APBA2: variants seen among roughly 807,000 people sequenced by gnomAD.
APBA2 encodes the protein amyloid-beta A4 precursor protein-binding family A member 2.
In APBA2, 30 loss-of-function variants were observed where a neutral mutation model predicts 75.0. That is an observed-to-expected ratio of 0.40 (90% CI 0.30 to 0.54). The LOEUF (loss-of-function observed/expected upper bound fraction) is 0.54. Ranked by LOEUF, APBA2 falls within the 20% of genes least tolerant of loss-of-function variation. The probability of loss-of-function intolerance (pLI) is 0.49; values close to 1 mark genes in which losing one functional copy is unlikely to be tolerated. For synonymous variants in APBA2, 444 were observed against 409.6 expected (o/e 1.08, Z -1.01); for missense variants, 801 against 1,016.1 (o/e 0.79, Z 2.88).
At chr15:28,949,723 C>G (rs2035749045) in intron 2 of APBA2, among the ~76,000 whole-genome samples, 1 of 152,206 alleles carries the variant, frequency 6.6e-6, no homozygotes, top group East Asian at 1.9e-4. Flanking sequence ...CATGCCTCCA[C>G]CTCCCAAAGT....
intron 6 of APBA2, among the ~76,000 whole-genome samples, chr15:29,079,247 C>A (rs946951808): frequency 6.6e-6 from 1 of 151,896 alleles, no homozygotes; most frequent in African/African-American, 2.4e-5. Flanking sequence ...TGCAGCTGAC[C>A]CATCCAGGGA....
At chr15:28,986,398 G>A (rs990478987) in intron 2 of APBA2, among the ~76,000 whole-genome samples, 7 of 152,144 alleles carry the variant, frequency 4.6e-5, no homozygotes, top group African/African-American at 1.7e-4. Context: ...TGCCTGTTTC[G>A]TAGGAACACT....
At chr15:29,045,113 T>C (rs986375067) in intron 3 of APBA2, among the ~76,000 whole-genome samples, 6 of 115,146 alleles carry the variant, frequency 5.2e-5, no homozygotes, top group Non-Finnish European at 4.8e-5. Flanking sequence ...CGTCTCGCAC[T>C]GTCACCTGGG....
chr15:29,114,038 G>A, intron 14 of APBA2, 22 bp downstream of exon 14: 1 of 1,613,590 alleles, frequency 6.2e-7, no homozygotes, highest in African/African-American at 1.3e-5. Flanking sequence ...CTTTGAGTGT[G>A]CCTCTGCATG....
chr15:28,947,568 A>G (rs1282037718), intron 2 of APBA2, among the ~76,000 whole-genome samples: 5 of 151,958 alleles, frequency 3.3e-5, no homozygotes, highest in Non-Finnish European at 5.9e-5. Context: ...GCTTCTTCCT[A>G]TCTTTGGAGC....
chr15:29,005,013 T>C (rs570764469), intron 3 of APBA2, among the ~76,000 whole-genome samples: 68 of 152,172 alleles, frequency 4.5e-4, no homozygotes, highest in African/African-American at 1.6e-3. Flanking sequence ...TCTGATTCCA[T>C]GGTTTTTGGT....
intron 4 of APBA2, among the ~76,000 whole-genome samples, chr15:29,072,552 G>A (rs998462972): frequency 6.6e-6 from 1 of 152,070 alleles, no homozygotes; most frequent in African/African-American, 2.4e-5. Context: ...GCGGTACCTG[G>A]GCCAGTCTCA....
At chr15:28,886,643 C>G (rs1286000477) in intron 1 of APBA2, among the ~76,000 whole-genome samples, 1 of 152,104 alleles carries the variant, frequency 6.6e-6, no homozygotes, top group Admixed American at 6.5e-5. Flanking sequence ...CCGGGCTGGC[C>G]GGGCTGCTTG....
intron 2 of APBA2, among the ~76,000 whole-genome samples, chr15:28,937,300 G>A (rs114074525): frequency 0.016 from 2,490 of 152,312 alleles, 67 homozygotes; most frequent in African/African-American, 0.057. Context: ...TGGTGCTGGG[G>A]AGGAAGGGCA....
intron 3 of APBA2, among the ~76,000 whole-genome samples, chr15:29,043,792 T>C (rs149590985): frequency 6.6e-6 from 1 of 152,346 alleles, no homozygotes; most frequent in Non-Finnish European, 1.5e-5. Flanking sequence ...TTTGTGACCC[T>C]AAGCTAGGTT....
chr15:29,090,982 C>G (rs555013986), intron 6 of APBA2, among the ~76,000 whole-genome samples: 1 of 152,120 alleles, frequency 6.6e-6, no homozygotes, highest in African/African-American at 2.4e-5. Flanking sequence ...TCTGAAGAAG[C>G]GCCAGGGTAT....
At chr15:28,910,962 G>A (rs1425339676) in intron 1 of APBA2, among the ~76,000 whole-genome samples, 1 of 152,132 alleles carries the variant, frequency 6.6e-6, no homozygotes, top group Non-Finnish European at 1.5e-5. Context: ...TTCTTTTCCA[G>A]AGAGATGGGT....
At position 29,074,102 on chromosome 15, in the gene APBA2, A is replaced by G. The variant is rs117634192; in HGVS notation, c.952-819A>G. On this transcript the variant is annotated intron_variant, in intron 4 of 14. Coordinates refer to ENST00000683413, the MANE Select transcript of APBA2 (RefSeq NM_001353788.2). Reference sequence around the variant, plus strand: ...GTATGGAAGGTCCTTAAAAACTGAAAAATAGAGTTATCCTATGATCCAGTG... The same window carrying G: ...GTATGGAAGGTCCTTAAAAACTGAAGAATAGAGTTATCCTATGATCCAGTG... Among the ~76,000 whole-genome samples the G allele has an allele frequency of 3.9e-3, 595 of 152,292 alleles. 2 individuals are homozygous for G. The highest frequency in any genetic ancestry group is 6.9e-3 in the Non-Finnish European group (468 of 68,014).
chr15:28,908,567 T>C (rs1341272160), intron 1 of APBA2, among the ~76,000 whole-genome samples: 3 of 151,924 alleles, frequency 2.0e-5, no homozygotes, highest in African/African-American at 7.3e-5. Context: ...CCTCCGCCTG[T>C]CAAAGTGCTG....
intron 1 of APBA2, among the ~76,000 whole-genome samples, chr15:28,887,090 C>T (rs1277094115): frequency 1.3e-5 from 2 of 152,246 alleles, no homozygotes; most frequent in Non-Finnish European, 2.9e-5. Flanking sequence ...GAGGGGCCTG[C>T]TAGTCTTAAC....
At chr15:29,072,381 C>T (rs1173200107) in intron 4 of APBA2, among the ~76,000 whole-genome samples, 1 of 152,210 alleles carries the variant, frequency 6.6e-6, no homozygotes, top group Non-Finnish European at 1.5e-5. Flanking sequence ...CAACAGAGCT[C>T]TCTGGGGGAT....
chr15:28,990,969 T>C (rs1038235132), intron 2 of APBA2, among the ~76,000 whole-genome samples: 2 of 152,232 alleles, frequency 1.3e-5, no homozygotes, highest in African/African-American at 4.8e-5. Context: ...TCAAAACATT[T>C]GCACAAATGA....
chr15:29,074,960 T>C lies in APBA2; in HGVS notation c.991T>C (p.Ser331Pro), dbSNP rs1373906288. ...GGAGCAGCCAAGGAAGCAGCAGCGC[T>C]CTGATCTCAATGGACCTGTTGACAA... is the stretch of plus-strand genomic sequence containing the variant. ...GLEQPRKQQR[S>P]DLNGPVDNNN... Residue 331 changes from serine (S) to proline (P), a missense_variant, in exon 5 of 15, where the codon TCT (serine) becomes CCT (proline). Physicochemically the swap from Ser to Pro is moderately conservative, Grantham distance 74 (BLOSUM62 -1). This residue lies in a region of APBA2 where 434 missense variants were observed against 471.6 expected (regional missense o/e 0.92). Transcript: ENST00000683413. 1 of 1,614,178 alleles carries C rather than the reference T, an allele frequency of 6.2e-7. No individual in the cohort carries two copies. The highest frequency in any genetic ancestry group is 1.7e-5 in the Admixed American group (1 of 60,018).
In APBA2 at chr15:29,071,584, A is replaced by T. The variant is rs1330346960; in HGVS notation, c.952-3337A>T. 3.4e-5 allele frequency among the ~76,000 whole-genome samples: 5 copies of T among 147,038 alleles called. No homozygotes were observed. The East Asian group carries it at 1.0e-3, about 30-fold the overall frequency. On this transcript the variant is annotated intron_variant, in intron 4 of 14. Transcript: ENST00000683413. ...TTTGGGGAGGGCATAACAGGATTTA[A>T]ATAGTATCTTTATCTAGGATGCCTG... is the stretch of plus-strand genomic sequence containing the variant.
Sources: allele counts gnomAD v4.1 joint callset (sites outside exome capture counted in the v4.1 genomes callset), GRCh38; gene constraint gnomAD v4.1.1; regional missense constraint gnomAD v4.1.1; transcripts MANE v1.5; gene names NCBI Gene and HGNC (gene_info 2026-07-23, HGNC 2026-07-21).